Variants in GAS6 observed in about 807,000 individuals in gnomAD.
GAS6 encodes growth arrest specific 6.
GAS6 carries 41 observed loss-of-function variants against 75.8 expected under a neutral mutation model. The observed-to-expected ratio is 0.54, with a 90% confidence interval of 0.42 to 0.70. GAS6 has a LOEUF of 0.70. Ranked by LOEUF, GAS6 falls within the 30% of genes least tolerant of loss-of-function variation. The pLI is 0.00. For synonymous variants in GAS6, 432 were observed against 412.6 expected, an observed-to-expected ratio of 1.05 and a Z score of -0.57; for missense variants, 854 against 940.2, an observed-to-expected ratio of 0.91 and a Z score of 1.20.
chr13:113,851,281 GA>G (rs2051872322), intron 2 of GAS6, among the ~76,000 whole-genome samples: 1 of 139,846 alleles, frequency 7.2e-6, no homozygotes, highest in Non-Finnish European at 1.6e-5. Flanking sequence ...GTGTATGAAT[GA>G]ATGAGTGAGT....
chr13:113,832,665 G>T lies in GAS6; in HGVS notation c.922C>A (p.Arg308=), dbSNP rs555163572. 5 of 1,612,650 alleles carry T rather than the reference G, an allele frequency of 3.1e-6. No individual in the cohort carries two copies. The highest frequency in any genetic ancestry group is 4.2e-6 in the Non-Finnish European group (5 of 1,179,966). The stretch of plus-strand genomic sequence containing the variant: ...GGCTGCAGCCTCTTGAAGCGCAGTC[G>T]GATCACGGGGGTCCCACTGAACATC... ...GRMFSGTPVI[R]LRFKRLQPTR... Residue 308 remains arginine (R), a synonymous_variant, in exon 9 of 15, where the codon CGA becomes AGA. Transcript: ENST00000327773.
At chr13:113,846,917 C>A in intron 3 of GAS6, 1 of 470,786 alleles carries the variant, frequency 2.1e-6, no homozygotes, top group Non-Finnish European at 4.2e-6. Flanking sequence ...ACTCGAAAAG[C>A]TAAACTTCAT....
chr13:113,858,047 G>A (rs2051928228), intron 2 of GAS6, among the ~76,000 whole-genome samples: 1 of 152,254 alleles, frequency 6.6e-6, no homozygotes, highest in African/African-American at 2.4e-5. Context: ...CGGCCCCTCA[G>A]GCAGGGGGCT....
rs149674228 is a variant in GAS6, at chr13:113,845,052, G to A, written c.343+1475C>T. 6.6e-5 allele frequency: 10 copies of A among 150,866 alleles called. 1 individual carries two copies. Among genetic ancestry groups the A allele is most frequent in the African/African-American group, 2.5e-4 (10 of 40,260 alleles). The allele number at this position is 150,866 out of a possible 1,614,324, so 9.3% of individuals were successfully genotyped here. A position where few individuals can be genotyped will look rare whatever the true frequency, so the allele number is the denominator to read the frequency against. On this transcript the variant is annotated intron_variant, in intron 4 of 14. Transcript: ENST00000327773. This position sits in a 1 kb window ranked among gnomAD's most constrained non-coding sequence, Gnocchi z 4.3. Reference sequence around the variant, plus strand: ...AAAACACGCGTGACAGGATCTGCTTGTCTCCTCTGAGCACGCAGGAGCCTC... The same window carrying A: ...AAAACACGCGTGACAGGATCTGCTTATCTCCTCTGAGCACGCAGGAGCCTC...
At chr13:113,821,159 G>A (rs994149897) in intron 14 of GAS6, 141 bp from the exon 15 acceptor site, 17 of 873,908 alleles carry the variant, frequency 1.9e-5, no homozygotes, top group African/African-American at 5.1e-5. Context: ...CTAACTTCTC[G>A]GTCCCCGTTC....
chr13:113,830,659 C>G (rs539177562), intron 10 of GAS6, among the ~76,000 whole-genome samples: 1 of 107,502 alleles, frequency 9.3e-6, no homozygotes, highest in Non-Finnish European at 1.8e-5. Context: ...CCTGCAACAC[C>G]GCTCCCCCAG....
Position 113,862,368 on chromosome 13 carries a change from T to C in GAS6, c.255+1207A>G, listed in dbSNP as rs150054044. Among the ~76,000 whole-genome samples, 880 of 152,298 alleles carry C rather than the reference T, an allele frequency of 5.8e-3. 4 individuals carry two copies. The highest frequency in any genetic ancestry group is 0.015 in the African/African-American group (642 of 41,564). ...GGGTGAGGACGCTGTTGGAGGACAC[T>C]GCACCAGCCACACGACCAACCCCAC... On this transcript the variant is annotated intron_variant, in intron 2 of 14. Coordinates refer to ENST00000327773, the MANE Select transcript of GAS6 (RefSeq NM_000820.4).
Position 113,863,851 on chromosome 13 carries a change from C to CCAGCAGCAG in GAS6, c.61_69dup (p.Leu21_Leu23dup), listed in dbSNP as rs897584782. ...GACTCACCAAGCGCGCACTCCGCGG[C>CCAGCAGCAG]CAGCAGCAGCAGCAGCAGCTGCGGC... On this transcript the variant is annotated inframe_insertion, in exon 1 of 15. Coordinates refer to ENST00000327773, the MANE Select transcript of GAS6 (RefSeq NM_000820.4). The surrounding 1 kb of genome is among the most constrained non-coding windows in gnomAD (Gnocchi z 9.4). 3.0e-5 allele frequency: 38 copies of CCAGCAGCAG among 1,267,612 alleles called. No individual in the cohort carries two copies. The South Asian group carries it at 9.3e-4, about 31-fold the overall frequency. The allele number at this position is 1,267,612 out of a possible 1,614,324, so 78.5% of individuals were successfully genotyped here. A position where few individuals can be genotyped will look rare whatever the true frequency, so the allele number is the denominator to read the frequency against.
intron 7 of GAS6, among the ~76,000 whole-genome samples, 196 bp downstream of exon 7, chr13:113,835,317 T>C (rs943157828): frequency 2.6e-5 from 4 of 152,196 alleles, no homozygotes; most frequent in African/African-American, 9.7e-5. Flanking sequence ...ACAAGGGGCA[T>C]GGGTGCCTGT....
chr13:113,849,710 A>G (rs1385713634), intron 2 of GAS6, among the ~76,000 whole-genome samples: 1 of 152,232 alleles, frequency 6.6e-6, no homozygotes, highest in Non-Finnish European at 1.5e-5. Flanking sequence ...TATTGTTGCA[A>G]AAAGGCATTA....
intron 12 of GAS6, among the ~76,000 whole-genome samples, chr13:113,824,987 G>A (rs1179692620): frequency 6.6e-6 from 1 of 152,152 alleles, no homozygotes; most frequent in Non-Finnish European, 1.5e-5. Flanking sequence ...GGGAGGCTGA[G>A]GTGGGTGGAT....
At chr13:113,833,431 G>C in intron 8 of GAS6, 1 of 993,520 alleles carries the variant, frequency 1.0e-6, no homozygotes, top group South Asian at 4.5e-5. Context: ...AGCTGTCCTG[G>C]TGACTCTTTC....
intron 12 of GAS6, among the ~76,000 whole-genome samples, chr13:113,826,242 C>G (rs945621557): frequency 5.3e-5 from 8 of 152,236 alleles, no homozygotes; most frequent in Non-Finnish European, 7.3e-5. Flanking sequence ...TACACACCTC[C>G]CATTGTAGCT....
Position 113,843,947 on chromosome 13 carries a change from G to A in GAS6, c.343+2580C>T, listed in dbSNP as rs2051812652. 2.0e-5 allele frequency: 3 copies of A among 151,076 alleles called. No individual in the cohort carries two copies. In the South Asian group the frequency reaches 6.2e-4, roughly 31 times the overall value. 9.4% of individuals were successfully genotyped at this position (151,076 alleles called of 1,614,324 possible). A position where few individuals can be genotyped will look rare whatever the true frequency, so the allele number is the denominator to read the frequency against. Reference sequence around the variant, plus strand: ...AGGCTGCCCCAGCTGCATCCTCCGGGAGGCGCCTTCCCAAGGGAGTGCAAG... The same window carrying A: ...AGGCTGCCCCAGCTGCATCCTCCGGAAGGCGCCTTCCCAAGGGAGTGCAAG... On this transcript the variant is annotated intron_variant, in intron 4 of 14. Transcript: ENST00000327773.
chr13:113,849,723 C>A (rs191350875), intron 2 of GAS6, among the ~76,000 whole-genome samples: 94 of 152,316 alleles, frequency 6.2e-4, no homozygotes, highest in African/African-American at 1.9e-3. Flanking sequence ...AGGCATTATT[C>A]ATGGAAAAAC....
At position 113,863,723 on chromosome 13, in the gene GAS6, C is replaced by T. The variant is rs1238318920; in HGVS notation, c.107G>A (p.Arg36His). ...ECALAALLPA[R>H]EATQFLRPRQ... ...GGGCCGCAGGAACTGCGTGGCCTCG[C>T]GCGCCGGCAACAGCGCGGCTGCCCG... The change falls in exon 2 of 15, where the codon CGC (arginine) becomes CAC (histidine). Residue 36 changes from arginine to histidine, a missense_variant. By Grantham distance (29) the Arg-to-His change is conservative. Transcript: ENST00000327773. The surrounding 1 kb of genome is among the most constrained non-coding windows in gnomAD (Gnocchi z 9.4). 6.7e-7 allele frequency: 1 copy of T among 1,499,748 alleles called. No individual in the cohort carries two copies. Among genetic ancestry groups the T allele is most frequent in the Admixed American group, 2.2e-5 (1 of 45,836 alleles). 92.9% of individuals were successfully genotyped at this position (1,499,748 alleles called of 1,614,324 possible).
chr13:113,836,812 A>T (rs67813668), intron 6 of GAS6, among the ~76,000 whole-genome samples: 1 of 28,938 alleles, frequency 3.5e-5, no homozygotes. Flanking sequence ...GAGGAAGATG[A>T]GGAGGAGGAG....
At position 113,832,500 on chromosome 13, in the gene GAS6, C is replaced by T. The variant is rs550806526; in HGVS notation, c.954-12G>A. On this transcript the variant is annotated splice_polypyrimidine_tract_variant and intron_variant, in intron 9 of 14. Transcript: ENST00000327773. ...ACTCAGCTACCAGCCTGGGCACCCA[C>T]AGGAGAAATGAGTCAGCACTGGGCA... is the stretch of plus-strand genomic sequence containing the variant. 1.3e-5 allele frequency: 21 copies of T among 1,595,084 alleles called. No homozygotes were observed. In the African/African-American group the frequency reaches 2.7e-4, roughly 20 times the overall value.
intron 2 of GAS6, among the ~76,000 whole-genome samples, chr13:113,861,875 T>C (rs367797594): frequency 7.9e-5 from 12 of 152,266 alleles, no homozygotes; most frequent in African/African-American, 2.6e-4. Context: ...GGAACTGAGA[T>C]GACGCTGAAA....
Sources: gnomAD v4.1 joint callset for allele counts (sites outside exome capture counted in the v4.1 genomes callset) on GRCh38, gnomAD v4.1.1 for gene constraint, Gnocchi (gnomAD v3.1) non-coding constraint, MANE v1.5 for transcripts, NCBI Gene and HGNC (gene_info 2026-07-23, HGNC 2026-07-21) for gene names.